OR1L8: variants seen among roughly 807,000 people sequenced by gnomAD.
OR1L8 encodes the protein olfactory receptor 1L8.
For missense variants in OR1L8, 330 were observed against 377.4 expected, an observed-to-expected ratio of 0.87 and a Z score of 1.04; for synonymous variants, 148 against 147.0, an observed-to-expected ratio of 1.01 and a Z score of -0.05.
intron 4 of OR1L8, among the ~76,000 whole-genome samples, chr9:122,569,192 A>G (rs1829495212): frequency 6.6e-6 from 1 of 152,118 alleles, no homozygotes; most frequent in African/African-American, 2.4e-5. Context: ...ATGACATGCT[A>G]TCATCATTAG....
In OR1L8 at chr9:122,568,628, G is replaced by C. The variant is rs1016001044; in HGVS notation, c.-151C>G. On this transcript the variant is annotated 5_prime_UTR_variant, in exon 5 of 5. Coordinates refer to ENST00000641027, the MANE Select transcript of OR1L8 (RefSeq NM_001004454.2). ...TTGTGGGATGGCTTGTTCACCTCATGGTCCTTGATGGGGTCCTCCCTTCCC... is the reference window on the plus strand; with the variant it reads ...TTGTGGGATGGCTTGTTCACCTCATCGTCCTTGATGGGGTCCTCCCTTCCC... The C allele has an allele frequency of 5.3e-6, 3 of 565,728 alleles. No homozygotes were observed. Among genetic ancestry groups the C allele is most frequent in the East Asian group, 2.9e-5 (1 of 34,610 alleles). The allele number at this position is 565,728 out of a possible 1,614,324, so 35.0% of individuals were successfully genotyped here.
At chr9:122,564,971 A>T (rs1829406079), downstream of OR1L8, among the ~76,000 whole-genome samples, 1 of 151,714 alleles carries the variant, frequency 6.6e-6, no homozygotes, top group Non-Finnish European at 1.5e-5. Context: ...AGTGAGTCTG[A>T]ACTCATTGGT....
chr9:122,549,050 A>C, the OR1L8 span, among the ~76,000 whole-genome samples: 1 of 151,732 alleles, frequency 6.6e-6, no homozygotes, highest in African/African-American at 2.4e-5. Flanking sequence ...GCTTAGATCA[A>C]TGTTGATATG....
chr9:122,579,408 C>T (rs1829710941), intron 1 of OR1L8, among the ~76,000 whole-genome samples: 1 of 152,050 alleles, frequency 6.6e-6, no homozygotes, highest in Admixed American at 6.6e-5. Context: ...CTGGAGATTG[C>T]TTTGGAGATA....
At chr9:122,550,883 C>T in the OR1L8 span, among the ~76,000 whole-genome samples, 2 of 150,968 alleles carry the variant, frequency 1.3e-5, no homozygotes, top group African/African-American at 4.9e-5. Flanking sequence ...CAACATGATA[C>T]TGGAAGTCTT....
chr9:122,550,630 CAG>C, the OR1L8 span, among the ~76,000 whole-genome samples: 3 of 151,386 alleles, frequency 2.0e-5, no homozygotes, highest in Admixed American at 6.6e-5. Context: ...ACCACATAAA[CAG>C]AATTTAAAAT....
At chr9:122,554,695 G>A in the OR1L8 span, among the ~76,000 whole-genome samples, 1 of 152,166 alleles carries the variant, frequency 6.6e-6, no homozygotes, top group African/African-American at 2.4e-5. Flanking sequence ...GACAAGGAAG[G>A]TGTGAGTGTA....
intron 4 of OR1L8, among the ~76,000 whole-genome samples, chr9:122,570,898 C>T (rs964805608): frequency 6.6e-6 from 1 of 152,074 alleles, no homozygotes; most frequent in Admixed American, 6.5e-5. Flanking sequence ...AATTAAGAGG[C>T]ATATGTTATT....
At chr9:122,550,561 GT>G in the OR1L8 span, among the ~76,000 whole-genome samples, 45,588 of 148,920 alleles carry the variant, frequency 0.31, 7,418 homozygotes, top group East Asian at 0.54. Flanking sequence ...GATCAAGTGG[GT>G]TTTTTTTTTG....
At chr9:122,554,271 ACT>A in the OR1L8 span, 2 of 764,086 alleles carry the variant, frequency 2.6e-6, no homozygotes, top group Non-Finnish European at 4.1e-6. Flanking sequence ...TTATCCGTTG[ACT>A]CTGAGTTAGG....
chr9:122,567,921 A>G lies in OR1L8; in HGVS notation c.557T>C (p.Leu186Pro), dbSNP rs1404376070. The G allele has an allele frequency of 6.2e-7, 1 of 1,614,108 alleles. No homozygotes were observed. Among genetic ancestry groups the G allele is most frequent in the African/African-American group, 1.3e-5 (1 of 75,054 alleles). ...HHFLCDLSPV[L>P]KLSCSSIFVN... ...AAATATGGAAGAGCAGGACAATTTC[A>G]GCACAGGGCTGAGGTCACAGAGAAA... Residue 186 changes from leucine (L) to proline (P), a missense_variant, in exon 5 of 5, where the codon CTG becomes CCG. Physicochemically the swap from Leu to Pro is moderately conservative, Grantham distance 98. Coordinates refer to ENST00000641027, the MANE Select transcript of OR1L8 (RefSeq NM_001004454.2).
chr9:122,568,538 A>C lies in OR1L8; in HGVS notation c.-61T>G. 1.0e-6 allele frequency: 1 copy of C among 955,052 alleles called. No homozygotes were observed. Among genetic ancestry groups the C allele is most frequent in the South Asian group, 1.6e-5 (1 of 61,192 alleles). The allele number at this position is 955,052 out of a possible 1,614,324, so 59.2% of individuals were successfully genotyped here. Reference sequence around the variant, plus strand: ...ATTTAACATGCTCTGATTTCATAACACCAATCATGAGAACCTAGCAAGTCT... The same window carrying C: ...ATTTAACATGCTCTGATTTCATAACCCCAATCATGAGAACCTAGCAAGTCT... On this transcript the variant is annotated 5_prime_UTR_variant, in exon 5 of 5. Transcript: ENST00000641027.
At chr9:122,553,835 G>A in the OR1L8 span, 10 of 1,614,026 alleles carry the variant, frequency 6.2e-6, no homozygotes, top group South Asian at 1.1e-5. Context: ...TGGGCTTGCT[G>A]TTCCTCACTG....
chr9:122,557,949 T>G, the OR1L8 span, among the ~76,000 whole-genome samples: 1 of 152,044 alleles, frequency 6.6e-6, no homozygotes, highest in African/African-American at 2.4e-5. Flanking sequence ...ATTGTGGCTT[T>G]CCAAGAATTG....
the OR1L8 span, among the ~76,000 whole-genome samples, chr9:122,559,234 C>T: frequency 6.6e-6 from 1 of 152,042 alleles, no homozygotes; most frequent in Admixed American, 6.6e-5. Flanking sequence ...GTAGTAACCA[C>T]TATTTTACTC....
chr9:122,571,577 G>A (rs1440892798), intron 4 of OR1L8, among the ~76,000 whole-genome samples: 2 of 150,930 alleles, frequency 1.3e-5, no homozygotes, highest in African/African-American at 2.4e-5. Context: ...TTAGCTGAGT[G>A]TGGTGGGGCG....
the OR1L8 span, among the ~76,000 whole-genome samples, chr9:122,561,140 C>T: frequency 6.6e-6 from 1 of 152,182 alleles, no homozygotes; most frequent in African/African-American, 2.4e-5. Flanking sequence ...CTTGCGTATG[C>T]TTCATGAAGT....
intron 3 of OR1L8, among the ~76,000 whole-genome samples, chr9:122,575,055 G>A (rs76338741): frequency 0.051 from 7,771 of 152,072 alleles, 306 homozygotes; most frequent in South Asian, 0.17. Context: ...ATTAAACTTG[G>A]TTGTGATGTA....
At chr9:122,572,115 A>T (rs1829564730) in intron 4 of OR1L8, among the ~76,000 whole-genome samples, 1 of 152,136 alleles carries the variant, frequency 6.6e-6, no homozygotes, top group Non-Finnish European at 1.5e-5. Flanking sequence ...AAACAAGTAG[A>T]TCTTGTGAAA....
Sources: gnomAD v4.1 joint callset for allele counts (sites outside exome capture counted in the v4.1 genomes callset) on GRCh38, gnomAD v4.1.1 for gene constraint, MANE v1.5 for transcripts, NCBI Gene and HGNC (gene_info 2026-07-23, HGNC 2026-07-21) for gene names.